PDE7B: variants seen among roughly 807,000 people sequenced by gnomAD.
PDE7B encodes the protein phosphodiesterase 7B.
PDE7B carries 29 observed loss-of-function variants against 56.2 expected under a neutral mutation model. The observed-to-expected ratio is 0.52, with a 90% confidence interval of 0.38 to 0.70. The LOEUF is 0.70. Among genes scored for constraint, PDE7B ranks in the 30% least tolerant of loss-of-function variants. The probability of loss-of-function intolerance (pLI) is 0.00; values close to 1 mark genes in which losing one functional copy is unlikely to be tolerated. For missense variants in PDE7B, 490 were observed against 565.0 expected, an observed-to-expected ratio of 0.87 and a Z score of 1.35; for synonymous variants, 197 against 196.9, an observed-to-expected ratio of 1.00 and a Z score of 0.00.
chr6:135,970,330 G>A (rs765650040), intron 2 of PDE7B, among the ~76,000 whole-genome samples: 2 of 152,088 alleles, frequency 1.3e-5, no homozygotes, highest in Non-Finnish European at 2.9e-5. Flanking sequence ...GGCATTCCAG[G>A]CAGAGAGGGC....
chr6:136,142,048 G>T (rs987815249), intron 3 of PDE7B, among the ~76,000 whole-genome samples: 2 of 152,072 alleles, frequency 1.3e-5, no homozygotes, highest in Non-Finnish European at 2.9e-5. Context: ...TGTGATGTTA[G>T]GGTATCAGTT....
intron 1 of PDE7B, among the ~76,000 whole-genome samples, chr6:135,944,746 CAT>C (rs1157660853): frequency 6.6e-6 from 1 of 152,190 alleles, no homozygotes; most frequent in Non-Finnish European, 1.5e-5. Flanking sequence ...CTCCTGTGCC[CAT>C]ATTCACACCA....
rs186099688 is a variant in PDE7B, at chr6:135,952,747, C to A, written c.82+5223C>A. 5.1e-4 allele frequency among the ~76,000 whole-genome samples: 78 copies of A among 152,042 alleles called. 1 individual carries two copies. Among genetic ancestry groups the A allele is most frequent in the African/African-American group, 1.9e-3 (77 of 41,498 alleles). On this transcript the variant is annotated intron_variant, in intron 2 of 12. Transcript: ENST00000308191. ...GATAAACTGGGGAGTGTTTCTGGGG[C>A]AGTGTTTCAGGCCACGAGGTAGATG... is the stretch of plus-strand genomic sequence containing the variant.
chr6:136,022,577 C>A (rs185042499), intron 2 of PDE7B, among the ~76,000 whole-genome samples: 1 of 152,222 alleles, frequency 6.6e-6, no homozygotes, highest in East Asian at 1.9e-4. Context: ...CCTTTTGCAC[C>A]CAGCAGTTCC....
intron 1 of PDE7B, among the ~76,000 whole-genome samples, chr6:135,934,773 ATATT>A (rs202025085): frequency 0.1 from 11,981 of 116,688 alleles, 744 homozygotes; most frequent in Middle Eastern, 0.19. Context: ...ATATATATAT[ATATT>A]TATTATATAT....
chr6:136,128,292 G>A (rs935948414), intron 3 of PDE7B, among the ~76,000 whole-genome samples: 1 of 152,014 alleles, frequency 6.6e-6, no homozygotes, highest in Non-Finnish European at 1.5e-5. Flanking sequence ...TAGCCCACAG[G>A]GCTTTATTTG....
chr6:136,192,065 G>GTGGGAGTTGATCCCA lies in PDE7B; in HGVS notation c.*226_*227insGGGAGTTGATCCCAT. 1.8e-6 allele frequency: 1 copy of GTGGGAGTTGATCCCA among 559,992 alleles called. No individual in the cohort carries two copies. The allele number at this position is 559,992 out of a possible 1,614,324, so 34.7% of individuals were successfully genotyped here. On this transcript the variant is annotated 3_prime_UTR_variant, in exon 13 of 13. Transcript: ENST00000308191. ...CTGCCGAAATGAGCAACTCCATTCA[G>GTGGGAGTTGATCCCA]TAACGTGGGAGCTGATCCCACGGGC...
At chr6:136,118,448 A>G (rs187346837) in intron 3 of PDE7B, among the ~76,000 whole-genome samples, 1 of 152,350 alleles carries the variant, frequency 6.6e-6, no homozygotes, top group East Asian at 1.9e-4. Context: ...ATATATGTCA[A>G]TTATGGCATA....
intron 1 of PDE7B, among the ~76,000 whole-genome samples, chr6:135,901,239 A>G (rs948219890): frequency 1.3e-5 from 2 of 152,156 alleles, no homozygotes; most frequent in African/African-American, 4.8e-5. Flanking sequence ...ATGGATTTAA[A>G]TTTACAAACT....
chr6:135,961,085 C>A (rs1774890722), intron 2 of PDE7B, among the ~76,000 whole-genome samples: 1 of 152,112 alleles, frequency 6.6e-6, no homozygotes, highest in Admixed American at 6.6e-5. Context: ...ACCATCTGAT[C>A]CCCAATACCT....
Position 136,192,073 on chromosome 6 carries a change from G to T in PDE7B, c.*233G>T, listed in dbSNP as rs957923222. The T allele has an allele frequency of 3.7e-6, 2 of 545,984 alleles. No homozygotes were observed. Among genetic ancestry groups the T allele is most frequent in the Non-Finnish European group, 6.6e-6 (2 of 302,148 alleles). The allele number at this position is 545,984 out of a possible 1,614,324, so 33.8% of individuals were successfully genotyped here. On this transcript the variant is annotated 3_prime_UTR_variant, in exon 13 of 13. Coordinates refer to ENST00000308191, the MANE Select transcript of PDE7B (RefSeq NM_018945.4). ...ATGAGCAACTCCATTCAGTAACGTG[G>T]GAGCTGATCCCACGGGCAGGCTCTC...
At chr6:136,035,501 A>G (rs150072148) in intron 2 of PDE7B, among the ~76,000 whole-genome samples, 3 of 152,298 alleles carry the variant, frequency 2.0e-5, no homozygotes, top group African/African-American at 7.2e-5. Flanking sequence ...TCCTGTTTCT[A>G]TGTGAGCCAG....
chr6:136,070,287 A>G (rs1777025146), intron 2 of PDE7B: 1 of 152,188 alleles, frequency 6.6e-6, no homozygotes, highest in Non-Finnish European at 1.5e-5. Context: ...TTCCAATTGA[A>G]CAGGAGAGGA....
chr6:135,863,535 T>TG (rs563274328), intron 1 of PDE7B, among the ~76,000 whole-genome samples: 47 of 152,056 alleles, frequency 3.1e-4, no homozygotes, highest in African/African-American at 1.1e-3. Context: ...TTTCCTTGAC[T>TG]GGGGGGAGTG....
chr6:136,138,627 C>A (rs922972474), intron 3 of PDE7B, among the ~76,000 whole-genome samples: 1 of 151,952 alleles, frequency 6.6e-6, no homozygotes, highest in African/African-American at 2.4e-5. Context: ...CTATTGTTTT[C>A]GCAAATGGCT....
At chr6:136,037,709 G>C (rs1160173149) in intron 2 of PDE7B, 4 of 985,320 alleles carry the variant, frequency 4.1e-6, no homozygotes, top group Admixed American at 6.1e-5. Flanking sequence ...CTCCAGCAAG[G>C]GGGGAGCCCC....
At chr6:135,859,374 G>T (rs1775101831) in intron 1 of PDE7B, among the ~76,000 whole-genome samples, 2 of 152,040 alleles carry the variant, frequency 1.3e-5, no homozygotes, top group African/African-American at 4.8e-5. Flanking sequence ...TGTAGGTATT[G>T]CTCATTTTCC....
chr6:135,856,175 C>A (rs1315118793), intron 1 of PDE7B, among the ~76,000 whole-genome samples: 2 of 152,034 alleles, frequency 1.3e-5, no homozygotes, highest in African/African-American at 4.8e-5. Context: ...CAAAACAAAA[C>A]AAGGACTTGG....
At chr6:135,937,192 C>T (rs543320190) in intron 1 of PDE7B, among the ~76,000 whole-genome samples, 27 of 152,324 alleles carry the variant, frequency 1.8e-4, no homozygotes, top group African/African-American at 5.5e-4. Flanking sequence ...GTGGCTGCTG[C>T]GTGTGGTACT....
Sources: gnomAD v4.1 joint callset for allele counts (sites outside exome capture counted in the v4.1 genomes callset) on GRCh38, gnomAD v4.1.1 for gene constraint, MANE v1.5 for transcripts, NCBI Gene and HGNC (gene_info 2026-07-23, HGNC 2026-07-21) for gene names.